DOCK10: variants seen among roughly 807,000 people sequenced by gnomAD.
The protein encoded by DOCK10 is dedicator of cytokinesis 10.
DOCK10 carries 145 observed loss-of-function variants against 280.1 expected under a neutral mutation model. That is an observed-to-expected ratio of 0.52 (90% CI 0.45 to 0.59). DOCK10 has a LOEUF of 0.59. DOCK10 is among the 20% of genes least tolerant of loss of function. DOCK10 has a pLI of 0.00. For synonymous variants in DOCK10, 915 were observed against 942.2 expected (o/e 0.97, Z 0.53); for missense variants, 2,368 against 2,651.7 (o/e 0.89, Z 2.35).
intron 7 of DOCK10, among the ~76,000 whole-genome samples, chr2:224,876,460 T>C (rs928442108): frequency 6.6e-6 from 1 of 152,200 alleles, no homozygotes; most frequent in Non-Finnish European, 1.5e-5. Context: ...ATGGACACGT[T>C]AGCTTGAACA....
chr2:224,773,599 G>C (rs1160149341), intron 52 of DOCK10, among the ~76,000 whole-genome samples: 2 of 151,378 alleles, frequency 1.3e-5, no homozygotes, highest in African/African-American at 2.4e-5. Context: ...TCTCAGGGCT[G>C]TTTTAGGCCT....
chr2:224,811,142 A>G (rs976365560), intron 31 of DOCK10, among the ~76,000 whole-genome samples: 2 of 152,042 alleles, frequency 1.3e-5, no homozygotes, highest in Admixed American at 1.3e-4. Flanking sequence ...CCTCTCCAGC[A>G]CCTGTTGTTT....
At chr2:224,930,969 A>G (rs1702329286) in intron 2 of DOCK10, among the ~76,000 whole-genome samples, 2 of 152,158 alleles carry the variant, frequency 1.3e-5, no homozygotes, top group African/African-American at 2.4e-5. Flanking sequence ...TTTCCTTTTC[A>G]TTCATTATCT....
At chr2:224,874,911 A>G (rs1331209613) in intron 8 of DOCK10, among the ~76,000 whole-genome samples, 160 bp from the exon 9 acceptor site, 1 of 152,158 alleles carries the variant, frequency 6.6e-6, no homozygotes, top group African/African-American at 2.4e-5. Flanking sequence ...CACATTGTTG[A>G]GTGATCTGGG....
intron 29 of DOCK10, among the ~76,000 whole-genome samples, chr2:224,818,403 T>TTTC (rs1324309213): frequency 6.7e-6 from 1 of 150,094 alleles, no homozygotes; most frequent in Non-Finnish European, 1.5e-5. Flanking sequence ...CCTGCCTTTT[T>TTTC]TTTTTTTTTT....
intron 2 of DOCK10, among the ~76,000 whole-genome samples, chr2:224,917,308 T>C (rs963940819): frequency 2.6e-5 from 4 of 152,166 alleles, no homozygotes; most frequent in South Asian, 2.1e-4. Context: ...GGTTTCACCA[T>C]GTTGGCCAGG....
intron 31 of DOCK10, among the ~76,000 whole-genome samples, chr2:224,813,934 A>T (rs1232926514): frequency 2.6e-5 from 4 of 152,212 alleles, no homozygotes; most frequent in Non-Finnish European, 5.9e-5. Context: ...ACTTATACTA[A>T]TATCCTCTGT....
chr2:224,805,552 A>T lies in DOCK10; in HGVS notation c.3815-23T>A. ...ATGCTGTAAACACAAGCCACAGCAC[A>T]CGTATGGGAATGAGATGTATGGGCA... On this transcript the variant is annotated intron_variant, in intron 34 of 55. Transcript: ENST00000258390. The surrounding 1 kb of genome is among the most constrained non-coding windows in gnomAD (Gnocchi z 4.3). 1 of 1,611,130 alleles carries T rather than the reference A, an allele frequency of 6.2e-7. No individual in the cohort carries two copies. The highest frequency in any genetic ancestry group is 8.5e-7 in the Non-Finnish European group (1 of 1,178,312).
chr2:224,829,086 C>T (rs1695055097), intron 27 of DOCK10, among the ~76,000 whole-genome samples: 1 of 152,154 alleles, frequency 6.6e-6, no homozygotes, highest in South Asian at 2.1e-4. Context: ...GGCCCTATAG[C>T]CATTTACTCA....
At chr2:224,913,531 CATA>C (rs1285177101) in intron 3 of DOCK10, among the ~76,000 whole-genome samples, 3 of 152,080 alleles carry the variant, frequency 2.0e-5, no homozygotes, top group Admixed American at 6.6e-5. Context: ...CAGCAAAAGA[CATA>C]ATGAGTTACA....
intron 27 of DOCK10, among the ~76,000 whole-genome samples, chr2:224,829,825 A>G (rs1695103081): frequency 6.6e-6 from 1 of 152,184 alleles, no homozygotes. Flanking sequence ...TAGGCTCCTG[A>G]AAAGCCATGG....
chr2:224,847,412 C>A (rs1241489980), intron 19 of DOCK10, among the ~76,000 whole-genome samples: 1 of 152,138 alleles, frequency 6.6e-6, no homozygotes, highest in African/African-American at 2.4e-5. Flanking sequence ...ATTGGAACTC[C>A]GGTAAGCTGC....
At chr2:224,925,579 G>A (rs1048515054) in intron 2 of DOCK10, among the ~76,000 whole-genome samples, 1 of 152,146 alleles carries the variant, frequency 6.6e-6, no homozygotes, top group East Asian at 1.9e-4. Flanking sequence ...CTTCTTATTC[G>A]TATTGGTGTC....
At chr2:225,035,923 C>T (rs1359687636) in intron 1 of DOCK10, among the ~76,000 whole-genome samples, 1 of 151,720 alleles carries the variant, frequency 6.6e-6, no homozygotes, top group Non-Finnish European at 1.5e-5. Flanking sequence ...ATAAGAGGTC[C>T]ACTCTCATGA....
chr2:224,805,210 C>G lies in DOCK10; in HGVS notation c.4047G>C (p.Ser1349=), dbSNP rs116790520. 14 of 1,608,840 alleles carry G rather than the reference C, an allele frequency of 8.7e-6. No individual in the cohort carries two copies. In the East Asian group the frequency reaches 3.1e-4, roughly 36 times the overall value. Residue 1349 remains serine (S), a synonymous_variant, in exon 36 of 56, where the codon TCG becomes TCC. Coordinates refer to ENST00000258390, the MANE Select transcript of DOCK10 (RefSeq NM_014689.3). This position sits in a 1 kb window ranked among gnomAD's most constrained non-coding sequence, Gnocchi z 4.3. ...AAATTAAAGAATTCTCTTTACCGTA[C>G]GAAATCGTTTTCATAATGTGAAGAA... ...MCFLHIMKTI[S]YETLIAYWQR...
intron 1 of DOCK10, among the ~76,000 whole-genome samples, chr2:225,041,016 C>G (rs1271140302): frequency 1.3e-5 from 2 of 152,188 alleles, no homozygotes; most frequent in South Asian, 4.2e-4. Flanking sequence ...GCACCCTGGC[C>G]ACCAATTCGT....
chr2:224,777,203 T>TTAATG (rs144307103), intron 51 of DOCK10, among the ~76,000 whole-genome samples: 1,595 of 152,286 alleles, frequency 0.01, 20 homozygotes, highest in African/African-American at 0.035. Context: ...TGTTCAAAGG[T>TTAATG]TAATGTAATG....
At chr2:224,959,437 CT>C (rs55894832) in intron 1 of DOCK10, among the ~76,000 whole-genome samples, 37,198 of 142,188 alleles carry the variant, frequency 0.26, 5,090 homozygotes, top group African/African-American at 0.38. Context: ...TTATTATTTT[CT>C]TTTTTTTTTT....
At chr2:224,837,740 A>G (rs908472599) in intron 25 of DOCK10, 22 bp downstream of exon 25, 2 of 1,607,504 alleles carry the variant, frequency 1.2e-6, no homozygotes, top group African/African-American at 2.7e-5. Flanking sequence ...GATATGAGCA[A>G]TTTCCAAGAG....
Sources: gnomAD v4.1 joint callset for allele counts (sites outside exome capture counted in the v4.1 genomes callset) on GRCh38, gnomAD v4.1.1 for gene constraint, Gnocchi (gnomAD v3.1) non-coding constraint, MANE v1.5 for transcripts, NCBI Gene and HGNC (gene_info 2026-07-23, HGNC 2026-07-21) for gene names.